ACTN1: variants seen among roughly 807,000 people sequenced by gnomAD.
The protein encoded by ACTN1 is actinin alpha 1, also known as alpha-actinin-1.
In ACTN1, 30 loss-of-function variants were observed where a neutral mutation model predicts 119.6. The ratio of observed to expected loss-of-function variants is 0.25; its 90% CI spans 0.19 to 0.34. The LOEUF (loss-of-function observed/expected upper bound fraction) is 0.34, where lower values mean the gene tolerates loss of function less well. Among genes scored for constraint, ACTN1 ranks in the 10% least tolerant of loss-of-function variants. The pLI is 1.00. For synonymous variants in ACTN1, 429 were observed against 472.6 expected, an observed-to-expected ratio of 0.91 and a Z score of 1.20; for missense variants, 764 against 1,223.4, an observed-to-expected ratio of 0.62 and a Z score of 5.60.
At chr14:68,884,116 G>T in intron 14 of ACTN1, 52 bp downstream of exon 14, 1 of 1,560,064 alleles carries the variant, frequency 6.4e-7, no homozygotes, top group Middle Eastern at 1.7e-4. Flanking sequence ...CACAGAGCAT[G>T]GGCCAGGGGC....
At chr14:68,915,784 G>C (rs946607313) in intron 3 of ACTN1, among the ~76,000 whole-genome samples, 2 of 152,328 alleles carry the variant, frequency 1.3e-5, no homozygotes, top group Non-Finnish European at 1.5e-5. Flanking sequence ...GGGAGGCCAA[G>C]GTGGGACAGA....
In ACTN1 at chr14:68,902,404, C is replaced by T. The variant is rs927693009; in HGVS notation, c.762+73G>A. ...TACCTGTCACCAGGAGAGGTGGAGGCGGGCAGGAGGACATGGTTTGGGGTC... is the reference window on the plus strand; with the variant it reads ...TACCTGTCACCAGGAGAGGTGGAGGTGGGCAGGAGGACATGGTTTGGGGTC... On this transcript the variant is annotated intron_variant, in intron 8 of 21. Coordinates refer to ENST00000394419, the MANE Select transcript of ACTN1 (RefSeq NM_001130004.2). 6.2e-5 allele frequency: 79 copies of T among 1,275,612 alleles called. No homozygotes were observed. The African/African-American group carries it at 6.3e-4, about 10-fold the overall frequency. 79.0% of individuals were successfully genotyped at this position (1,275,612 alleles called of 1,614,324 possible). A position where few individuals can be genotyped will look rare whatever the true frequency, so the allele number is the denominator to read the frequency against.
At chr14:68,911,901 T>C (rs190526194) in intron 4 of ACTN1, among the ~76,000 whole-genome samples, 25 of 152,328 alleles carry the variant, frequency 1.6e-4, no homozygotes, top group African/African-American at 5.8e-4. Context: ...TCCAATATAC[T>C]TCCCCATGGC....
In ACTN1 at chr14:68,898,073, C is replaced by A. The variant is rs118179065; in HGVS notation, c.763-4326G>T. Among the ~76,000 whole-genome samples the A allele has an allele frequency of 7.4e-3, 1,126 of 152,362 alleles. 12 individuals are homozygous for A. The highest frequency in any genetic ancestry group is 0.01 in the Non-Finnish European group (702 of 68,034). ...CAGTCTTGTGACTGCACCTGCCCTG[C>A]TCAGATCTGGGGCAGAGCAGGGCAC... On this transcript the variant is annotated intron_variant, in intron 8 of 21. Transcript: ENST00000394419.
intron 1 of ACTN1, among the ~76,000 whole-genome samples, chr14:68,935,150 G>A (rs1187324581): frequency 1.3e-5 from 2 of 151,804 alleles, no homozygotes; most frequent in African/African-American, 2.4e-5. Context: ...ACCCTCCCCC[G>A]ACTAGCTGGG....
At chr14:68,877,387 T>A (rs754388075) in intron 20 of ACTN1, 147 bp from the exon 21 acceptor site, 14 of 950,208 alleles carry the variant, frequency 1.5e-5, no homozygotes, top group Non-Finnish European at 2.1e-5. Context: ...GTCCTAAGGG[T>A]ATGATGGGGA....
intron 1 of ACTN1, among the ~76,000 whole-genome samples, chr14:68,926,334 T>C (rs1022360617): frequency 2.0e-5 from 3 of 152,212 alleles, no homozygotes; most frequent in Admixed American, 2.0e-4. Context: ...ATCAGCTTCA[T>C]AGTTACTTCT....
chr14:68,882,847 G>A lies in ACTN1; in HGVS notation c.1818+26C>T. Reference sequence around the variant, plus strand: ...TCCCTGCCTTTATGAAACTTACAATGGCTCGGCCCATGCCCTTCAACTCAC... The same window carrying A: ...TCCCTGCCTTTATGAAACTTACAATAGCTCGGCCCATGCCCTTCAACTCAC... On this transcript the variant is annotated intron_variant, in intron 15 of 21. Transcript: ENST00000394419. The surrounding 1 kb of genome is among the most constrained non-coding windows in gnomAD (Gnocchi z 4.5). 1 of 1,607,366 alleles carries A rather than the reference G, an allele frequency of 6.2e-7. No individual in the cohort carries two copies. Among genetic ancestry groups the A allele is most frequent in the Non-Finnish European group, 8.5e-7 (1 of 1,174,602 alleles).
intron 4 of ACTN1, 30 bp from the exon 5 acceptor site, chr14:68,910,072 A>AGAG: frequency 6.3e-7 from 1 of 1,593,606 alleles, no homozygotes; most frequent in Non-Finnish European, 8.6e-7. Context: ...CAGCGAGGTC[A>AGAG]GAGGGCTGAC....
chr14:68,943,202 T>A (rs1431488507), intron 1 of ACTN1, among the ~76,000 whole-genome samples: 4 of 152,026 alleles, frequency 2.6e-5, no homozygotes, highest in Admixed American at 2.6e-4. Flanking sequence ...CCAGCCCGGT[T>A]TGAGGGACAG....
chr14:68,928,971 GGTGA>G (rs1396845896), intron 1 of ACTN1, among the ~76,000 whole-genome samples: 16 of 152,060 alleles, frequency 1.1e-4, no homozygotes, highest in African/African-American at 2.9e-4. Context: ...GTGGAACTGT[GGTGA>G]GTTCCTGGGA....
At chr14:68,914,612 A>G (rs1445956210) in intron 3 of ACTN1, among the ~76,000 whole-genome samples, 1 of 152,136 alleles carries the variant, frequency 6.6e-6, no homozygotes, top group African/African-American at 2.4e-5. Flanking sequence ...AAAAAAATGA[A>G]AAAATTAGCC....
At chr14:68,893,584 G>C in intron 9 of ACTN1, 71 bp downstream of exon 9, 1 of 1,401,700 alleles carries the variant, frequency 7.1e-7, no homozygotes, top group Non-Finnish European at 1.0e-6. Flanking sequence ...TCCAAGGAAA[G>C]ACTTGGAGGT....
At chr14:68,916,613 G>A (rs539102653) in intron 3 of ACTN1, among the ~76,000 whole-genome samples, 14 of 152,028 alleles carry the variant, frequency 9.2e-5, no homozygotes, top group African/African-American at 3.4e-4. Flanking sequence ...CCTGTATACC[G>A]GGCCTCCGGC....
At chr14:68,908,259 T>C (rs1443399761) in intron 6 of ACTN1, among the ~76,000 whole-genome samples, 1 of 152,122 alleles carries the variant, frequency 6.6e-6, no homozygotes, top group East Asian at 1.9e-4. Context: ...AAGATCCTTT[T>C]TGGCAGCTTG....
intron 1 of ACTN1, among the ~76,000 whole-genome samples, chr14:68,956,372 T>C (rs1430878728): frequency 1.3e-5 from 2 of 152,192 alleles, no homozygotes; most frequent in African/African-American, 2.4e-5. Flanking sequence ...AGCTAAACTC[T>C]TTCCATTCAG....
chr14:68,962,960 T>C (rs1008989907), intron 1 of ACTN1, among the ~76,000 whole-genome samples: 1 of 152,218 alleles, frequency 6.6e-6, no homozygotes, highest in Admixed American at 6.5e-5. Context: ...TGTCCCTCAC[T>C]GATTCACCAG....
In ACTN1 at chr14:68,925,065, A is replaced by G. The variant is rs1325951065; in HGVS notation, c.220+493T>C. 6.6e-6 allele frequency among the ~76,000 whole-genome samples: 1 copy of G among 152,158 alleles called. No individual in the cohort carries two copies. The highest frequency in any genetic ancestry group is 1.5e-5 in the Non-Finnish European group (1 of 68,032). ...GGCCCAGTGTATCAACCAAGGCTAG[A>G]CTCACAGGACTCCCACCCCTTAAGG... On this transcript the variant is annotated intron_variant, in intron 2 of 21. Transcript: ENST00000394419. This position sits in a 1 kb window ranked among gnomAD's most constrained non-coding sequence, Gnocchi z 4.3.
In ACTN1 at chr14:68,892,295, A is replaced by G. The variant is rs1413503712; in HGVS notation, c.856-12T>C. 6.2e-7 allele frequency: 1 copy of G among 1,604,364 alleles called. No individual in the cohort carries two copies. Among genetic ancestry groups the G allele is most frequent in the Admixed American group, 1.7e-5 (1 of 59,780 alleles). On this transcript the variant is annotated splice_polypyrimidine_tract_variant and intron_variant, in intron 9 of 21. Transcript: ENST00000394419. Reference sequence around the variant, plus strand: ...ATCCACTCCAACAGCTAGGGTGGGAAGGCGGTGGGGGCAGGAGGTGAGGAG... The same window carrying G: ...ATCCACTCCAACAGCTAGGGTGGGAGGGCGGTGGGGGCAGGAGGTGAGGAG...
Sources: gnomAD v4.1 joint callset for allele counts (sites outside exome capture counted in the v4.1 genomes callset) on GRCh38, gnomAD v4.1.1 for gene constraint, Gnocchi (gnomAD v3.1) non-coding constraint, MANE v1.5 for transcripts, NCBI Gene and HGNC (gene_info 2026-07-23, HGNC 2026-07-21) for gene names.